Variants in GALNT13 observed in about 807,000 individuals in gnomAD.
The protein encoded by GALNT13 is UDP-GalNAc:polypeptide N-acetylgalactosaminyltransferase 13.
GALNT13 carries 28 observed loss-of-function variants against 64.2 expected under a neutral mutation model. The ratio of observed to expected loss-of-function variants is 0.44; its 90% confidence interval spans 0.32 to 0.60. GALNT13 has a LOEUF of 0.60. Among genes scored for constraint, GALNT13 ranks in the 20% least tolerant of loss-of-function variants. The pLI, the probability that GALNT13 is intolerant of heterozygous loss-of-function variation, is 0.05. For synonymous variants in GALNT13, 214 were observed against 224.6 expected, an observed-to-expected ratio of 0.95 and a Z score of 0.42; for missense variants, 577 against 669.8, an observed-to-expected ratio of 0.86 and a Z score of 1.53.
chr2:153,647,179 CA>C, the GALNT13 span, among the ~76,000 whole-genome samples: 1 of 152,172 alleles, frequency 6.6e-6, no homozygotes, highest in East Asian at 1.9e-4. Context: ...GATGATATCT[CA>C]TTGTTGTTTT....
chr2:153,937,422 C>T (rs534176048), intron 2 of GALNT13, among the ~76,000 whole-genome samples: 59 of 152,006 alleles, frequency 3.9e-4, no homozygotes, highest in Non-Finnish European at 7.6e-4. Context: ...ATGAAACATT[C>T]AAAATAGGAA....
At chr2:154,206,819 G>T (rs959732467) in intron 4 of GALNT13, among the ~76,000 whole-genome samples, 1 of 151,636 alleles carries the variant, frequency 6.6e-6, no homozygotes, top group Admixed American at 6.6e-5. Context: ...AAACAGGAAG[G>T]GGATTTGAGA....
At chr2:153,467,035 A>G in the GALNT13 span, among the ~76,000 whole-genome samples, 5 of 152,074 alleles carry the variant, frequency 3.3e-5, no homozygotes, top group South Asian at 2.1e-4. Flanking sequence ...ACTATGAGGC[A>G]TGTTCATTGA....
At chr2:153,825,152 G>A in the GALNT13 span, among the ~76,000 whole-genome samples, 9 of 152,126 alleles carry the variant, frequency 5.9e-5, no homozygotes, top group East Asian at 3.8e-4. Flanking sequence ...GATGTTTTTG[G>A]TGATCAGAGC....
chr2:154,170,459 A>T (rs1685286864), intron 4 of GALNT13, among the ~76,000 whole-genome samples: 1 of 152,060 alleles, frequency 6.6e-6, no homozygotes, highest in African/African-American at 2.4e-5. Context: ...TACAGTGACC[A>T]TATATATGAT....
chr2:153,808,641 T>C, the GALNT13 span, among the ~76,000 whole-genome samples: 1 of 152,216 alleles, frequency 6.6e-6, no homozygotes. Context: ...AACCCTACTC[T>C]GACCACTACA....
At chr2:154,189,831 A>G (rs1290572251) in intron 4 of GALNT13, among the ~76,000 whole-genome samples, 1 of 152,184 alleles carries the variant, frequency 6.6e-6, no homozygotes, top group African/African-American at 2.4e-5. Flanking sequence ...AAGCTGTTTG[A>G]TCTACATTAG....
chr2:153,502,491 G>T, the GALNT13 span, among the ~76,000 whole-genome samples: 1 of 152,168 alleles, frequency 6.6e-6, no homozygotes, highest in Non-Finnish European at 1.5e-5. Flanking sequence ...CTCATTGATT[G>T]ATGGGCATTT....
chr2:154,322,578 G>A (rs1237147496), intron 9 of GALNT13, among the ~76,000 whole-genome samples: 2 of 152,066 alleles, frequency 1.3e-5, no homozygotes, highest in Non-Finnish European at 2.9e-5. Flanking sequence ...TTTTAAGTGT[G>A]TTAATATCAT....
intron 4 of GALNT13, among the ~76,000 whole-genome samples, chr2:154,170,934 A>G (rs12620249): frequency 0.18 from 27,298 of 152,206 alleles, 2,870 homozygotes; most frequent in African/African-American, 0.28. Flanking sequence ...GAAGCTTTCA[A>G]TGCAGAAGTC....
chr2:153,134,350 A>C, the GALNT13 span, among the ~76,000 whole-genome samples: 3 of 151,834 alleles, frequency 2.0e-5, no homozygotes, highest in Non-Finnish European at 4.4e-5. Context: ...AGTGTACTTA[A>C]AATTTTATAT....
At chr2:154,381,293 G>A (rs1698258031) in intron 9 of GALNT13, among the ~76,000 whole-genome samples, 1 of 151,920 alleles carries the variant, frequency 6.6e-6, no homozygotes, top group Admixed American at 6.6e-5. Context: ...TTTCTGTAAT[G>A]CTCACCCACT....
the GALNT13 span, among the ~76,000 whole-genome samples, chr2:153,468,459 T>A: frequency 6.6e-5 from 10 of 152,230 alleles, no homozygotes; most frequent in South Asian, 2.1e-3. Flanking sequence ...TCATATAACA[T>A]ACAGATACGA....
chr2:153,131,874 A>G, the GALNT13 span, among the ~76,000 whole-genome samples: 14 of 152,110 alleles, frequency 9.2e-5, no homozygotes, highest in African/African-American at 2.9e-4. Flanking sequence ...AGTATTTTCT[A>G]TGGGAAAGAT....
At chr2:153,070,219 C>T in the GALNT13 span, among the ~76,000 whole-genome samples, 1 of 152,172 alleles carries the variant, frequency 6.6e-6, no homozygotes, top group Non-Finnish European at 1.5e-5. Flanking sequence ...TCTGAAAAGG[C>T]TACGTACTAT....
At chr2:153,853,037 G>T in the GALNT13 span, among the ~76,000 whole-genome samples, 1 of 152,138 alleles carries the variant, frequency 6.6e-6, no homozygotes, top group Admixed American at 6.5e-5. Flanking sequence ...TTCAGTCTAT[G>T]GCTGAAGGCT....
chr2:154,023,268 A>G (rs569969192), intron 3 of GALNT13, among the ~76,000 whole-genome samples: 1 of 152,262 alleles, frequency 6.6e-6, no homozygotes, highest in African/African-American at 2.4e-5. Context: ...TGTCTCGTTT[A>G]TCTGTCTAAT....
At chr2:153,121,887 C>G in the GALNT13 span, among the ~76,000 whole-genome samples, 3 of 152,160 alleles carry the variant, frequency 2.0e-5, no homozygotes, top group South Asian at 2.1e-4. Flanking sequence ...ATCACATTAT[C>G]TTAACCACTA....
chr2:153,656,674 G>T, the GALNT13 span, among the ~76,000 whole-genome samples: 1 of 152,082 alleles, frequency 6.6e-6, no homozygotes, highest in African/African-American at 2.4e-5. Flanking sequence ...TGCCATCTAG[G>T]TTATTTGAAG....
Sources: gnomAD v4.1 joint callset for allele counts (sites outside exome capture counted in the v4.1 genomes callset) on GRCh38, gnomAD v4.1.1 for gene constraint, MANE v1.5 for transcripts, NCBI Gene and HGNC (gene_info 2026-07-23, HGNC 2026-07-21) for gene names.